Variants in ATG5 observed in about 807,000 individuals in gnomAD.
ATG5 encodes the protein autophagy related 5.
A neutral mutation model predicts 36.5 loss-of-function variants in ATG5; 14 were observed. The observed-to-expected ratio is 0.38, with a 90% CI of 0.25 to 0.60. ATG5 has a LOEUF of 0.60. Ranked by LOEUF, ATG5 falls within the 20% of genes least tolerant of loss-of-function variation. The pLI, the probability that ATG5 is intolerant of heterozygous loss-of-function variation, is 0.60. For missense variants in ATG5, 195 were observed against 326.7 expected (o/e 0.60, Z 3.11); for synonymous variants, 95 against 101.5 (o/e 0.94, Z 0.38).
At chr6:106,214,865 A>G (rs1340716473) in intron 6 of ATG5, among the ~76,000 whole-genome samples, 1 of 152,184 alleles carries the variant, frequency 6.6e-6, no homozygotes, top group Non-Finnish European at 1.5e-5. Context: ...TTATCAGTAG[A>G]CTAGCCAAAA....
At chr6:106,251,593 A>C (rs962467987) in intron 5 of ATG5, among the ~76,000 whole-genome samples, 1 of 45,170 alleles carries the variant, frequency 2.2e-5, no homozygotes, top group African/African-American at 9.1e-5. Context: ...TTCTTATATT[A>C]AAAAGGTATT....
At chr6:106,285,885 C>G (rs1287660161) in intron 4 of ATG5, among the ~76,000 whole-genome samples, 1 of 152,116 alleles carries the variant, frequency 6.6e-6, no homozygotes, top group Non-Finnish European at 1.5e-5. Context: ...GTCAGTGGAC[C>G]ACATTTGCCA....
At chr6:106,225,134 T>C (rs2114441621) in intron 6 of ATG5, among the ~76,000 whole-genome samples, 1 of 152,362 alleles carries the variant, frequency 6.6e-6, no homozygotes, top group South Asian at 2.1e-4. Context: ...AGGTATTACC[T>C]CTAATTTTCA....
At chr6:106,206,567 T>C (rs970605530) in intron 6 of ATG5, among the ~76,000 whole-genome samples, 17 of 151,688 alleles carry the variant, frequency 1.1e-4, no homozygotes, top group African/African-American at 4.1e-4. Flanking sequence ...GGAGAATCAC[T>C]TGAACCCAGA....
At chr6:106,300,614 C>T (rs1770171059) in intron 3 of ATG5, among the ~76,000 whole-genome samples, 1 of 152,088 alleles carries the variant, frequency 6.6e-6, no homozygotes. Context: ...CTACTACGTA[C>T]CTAGGCTACA....
At chr6:106,269,395 G>A (rs568418180) in intron 5 of ATG5, among the ~76,000 whole-genome samples, 35 of 95,196 alleles carry the variant, frequency 3.7e-4, no homozygotes, top group African/African-American at 2.1e-3. Context: ...CCAGTCCCGC[G>A]CCGTGCCCCG....
rs1775695296 is a variant in ATG5, at chr6:106,184,523, A to T, written c.*2017T>A. On this transcript the variant is annotated 3_prime_UTR_variant, in exon 8 of 8. Coordinates refer to ENST00000369076, the MANE Select transcript of ATG5 (RefSeq NM_004849.4). The stretch of plus-strand genomic sequence containing the variant: ...CATAAAATTTAAATATTCAAATGAA[A>T]AGAAACAAAAATAGATTATTTAAGC... 2 of 152,352 alleles carry T rather than the reference A, an allele frequency of 1.3e-5. No homozygotes were observed. The highest frequency in any genetic ancestry group is 4.1e-4 in the South Asian group (2 of 4,830). 9.4% of individuals were successfully genotyped at this position (152,352 alleles called of 1,614,324 possible). A position where few individuals can be genotyped will look rare whatever the true frequency, so the allele number is the denominator to read the frequency against.
At chr6:106,297,360 C>G (rs1170176456) in intron 3 of ATG5, among the ~76,000 whole-genome samples, 1 of 152,022 alleles carries the variant, frequency 6.6e-6, no homozygotes, top group East Asian at 1.9e-4. Flanking sequence ...AAAAAAAGTA[C>G]TGGGCTGCTC....
chr6:106,311,246 T>C (rs548181128), intron 2 of ATG5, among the ~76,000 whole-genome samples: 1 of 152,174 alleles, frequency 6.6e-6, no homozygotes, highest in Non-Finnish European at 1.5e-5. Flanking sequence ...CTTCCCCTTA[T>C]ACAGCATACA....
rs543816636 is a variant in ATG5 at position 106,287,899 on chromosome 6, G to A, written c.315+5129C>T. On this transcript the variant is annotated intron_variant, in intron 4 of 7. Coordinates refer to ENST00000369076, the MANE Select transcript of ATG5 (RefSeq NM_004849.4). ...ATGAAAAAAAATACAGAGAGAAAAC[G>A]CAAAGGTGGCAAAATGTTAAAAAGC... is the stretch of plus-strand genomic sequence containing the variant. Among the ~76,000 whole-genome samples the A allele has an allele frequency of 7.9e-5, 12 of 151,506 alleles. No individual in the cohort carries two copies. In the South Asian group the frequency reaches 8.3e-4, roughly 11 times the overall value.
chr6:106,314,017 G>A (rs1332656989), intron 2 of ATG5, among the ~76,000 whole-genome samples: 1 of 152,108 alleles, frequency 6.6e-6, no homozygotes, highest in Non-Finnish European at 1.5e-5. Flanking sequence ...GGTTTCTCTG[G>A]GTGAAGAATT....
At chr6:106,235,741 G>T (rs1417108142) in intron 6 of ATG5, among the ~76,000 whole-genome samples, 1 of 150,710 alleles carries the variant, frequency 6.6e-6, no homozygotes, top group Non-Finnish European at 1.5e-5. Flanking sequence ...GCCGGCAACG[G>T]CTACCTTCTT....
chr6:106,278,693 C>G (rs1318634906), intron 5 of ATG5, among the ~76,000 whole-genome samples: 1 of 152,190 alleles, frequency 6.6e-6, no homozygotes, highest in Non-Finnish European at 1.5e-5. Context: ...GGATTTACAT[C>G]TCTCTTGGCC....
intron 5 of ATG5, among the ~76,000 whole-genome samples, chr6:106,274,727 GTTAGTA>G (rs1259793278): frequency 6.6e-6 from 1 of 152,072 alleles, no homozygotes; most frequent in Admixed American, 6.6e-5. Context: ...ATTATTTCCT[GTTAGTA>G]TTAGAAAGGA....
At chr6:106,194,217 A>G (rs1951485) in intron 7 of ATG5, among the ~76,000 whole-genome samples, 92,504 of 151,982 alleles carry the variant, frequency 0.61, 29,542 homozygotes, top group African/African-American at 0.81. Flanking sequence ...GAGGTTTGGG[A>G]ATTGGAGTTT....
chr6:106,206,861 A>C (rs1283450345), intron 6 of ATG5, among the ~76,000 whole-genome samples: 1 of 152,224 alleles, frequency 6.6e-6, no homozygotes, highest in Non-Finnish European at 1.5e-5. Context: ...TGCAAAGAAG[A>C]CTAAATTATA....
At chr6:106,239,374 G>A (rs899131310) in intron 6 of ATG5, among the ~76,000 whole-genome samples, 6 of 152,060 alleles carry the variant, frequency 3.9e-5, no homozygotes, top group Admixed American at 6.6e-5. Flanking sequence ...TCTTGTCTGG[G>A]AAGACTTAAT....
intron 4 of ATG5, among the ~76,000 whole-genome samples, chr6:106,284,837 A>C (rs1331054603): frequency 1.3e-5 from 2 of 151,584 alleles, no homozygotes; most frequent in Non-Finnish European, 2.9e-5. Context: ...TCCTTTGACT[A>C]ATTTTTAATT....
At chr6:106,194,035 T>C (rs981507536) in intron 7 of ATG5, among the ~76,000 whole-genome samples, 1 of 152,182 alleles carries the variant, frequency 6.6e-6, no homozygotes. Flanking sequence ...ACCAGAAGCA[T>C]CTTCTGTCAG....
Sources: gnomAD v4.1 joint callset for allele counts (sites outside exome capture counted in the v4.1 genomes callset) on GRCh38, gnomAD v4.1.1 for gene constraint, MANE v1.5 for transcripts, NCBI Gene and HGNC (gene_info 2026-07-23, HGNC 2026-07-21) for gene names.